The following PTPRG variants were observed in gnomAD, a reference collection of about 807,000 sequenced individuals.
The protein encoded by PTPRG is protein tyrosine phosphatase receptor type G, also known as receptor-type tyrosine-protein phosphatase gamma.
PTPRG carries 102 observed loss-of-function variants against 165.3 expected under a neutral mutation model. That is an observed-to-expected ratio of 0.62 (90% CI 0.53 to 0.73). PTPRG has a LOEUF of 0.73. Among genes scored for constraint, PTPRG ranks in the 30% least tolerant of loss-of-function variants. The pLI, the probability that PTPRG is intolerant of heterozygous loss-of-function variation, is 0.00. For missense variants in PTPRG, 1,866 were observed against 1,861.4 expected, an observed-to-expected ratio of 1.00 and a Z score of -0.05; for synonymous variants, 675 against 669.5, an observed-to-expected ratio of 1.01 and a Z score of -0.13.
At chr3:61,688,909 C>T (rs1348135717) in intron 1 of PTPRG, among the ~76,000 whole-genome samples, 1 of 152,200 alleles carries the variant, frequency 6.6e-6, no homozygotes, top group Non-Finnish European at 1.5e-5. Flanking sequence ...TGCCCTGCTT[C>T]TCAATGCATC....
At chr3:61,773,894 C>T (rs1427536089) in intron 2 of PTPRG, among the ~76,000 whole-genome samples, 1 of 152,010 alleles carries the variant, frequency 6.6e-6, no homozygotes, top group East Asian at 1.9e-4. Flanking sequence ...CCTGCCTCAG[C>T]CTCCCAACTA....
At chr3:62,277,234 C>CT (rs1702260159) in intron 25 of PTPRG, among the ~76,000 whole-genome samples, 186 bp downstream of exon 25, 1 of 152,102 alleles carries the variant, frequency 6.6e-6, no homozygotes, top group Admixed American at 6.6e-5. Flanking sequence ...TACAAAAATG[C>CT]TTAAATTAAG....
intron 1 of PTPRG, among the ~76,000 whole-genome samples, chr3:61,660,992 G>T (rs780896683): frequency 3.3e-5 from 5 of 152,090 alleles, no homozygotes; most frequent in Non-Finnish European, 5.9e-5. Context: ...CATAGAGTGA[G>T]ACTCCATCTC....
chr3:62,129,359 A>C (rs1703430483), intron 5 of PTPRG, among the ~76,000 whole-genome samples: 1 of 152,084 alleles, frequency 6.6e-6, no homozygotes, highest in Non-Finnish European at 1.5e-5. Context: ...AATGCATTAA[A>C]AAGTTCCTGT....
chr3:61,591,667 A>G (rs9863064), intron 1 of PTPRG, among the ~76,000 whole-genome samples: 22,225 of 152,158 alleles, frequency 0.15, 2,220 homozygotes, highest in African/African-American at 0.28. Flanking sequence ...AGAATCCTGT[A>G]GACCTCAGGT....
At chr3:62,102,273 CCTTT>C (rs2106829801) in intron 5 of PTPRG, among the ~76,000 whole-genome samples, 1 of 151,900 alleles carries the variant, frequency 6.6e-6, no homozygotes, top group Admixed American at 6.6e-5. Context: ...TCCTTTCTTC[CCTTT>C]CTTTTCTTTC....
intron 4 of PTPRG, among the ~76,000 whole-genome samples, chr3:62,013,092 A>G (rs1392982814): frequency 6.6e-6 from 1 of 151,842 alleles, no homozygotes; most frequent in Admixed American, 6.6e-5. Flanking sequence ...ATATTATACA[A>G]TAATACAACT....
At chr3:62,131,259 G>A (rs951213170) in intron 5 of PTPRG, among the ~76,000 whole-genome samples, 3 of 152,044 alleles carry the variant, frequency 2.0e-5, no homozygotes, top group African/African-American at 7.2e-5. Context: ...ATGTGACAAC[G>A]AAAAACGTCT....
At chr3:61,618,510 C>T (rs1045639307) in intron 1 of PTPRG, among the ~76,000 whole-genome samples, 1 of 152,054 alleles carries the variant, frequency 6.6e-6, no homozygotes, top group Non-Finnish European at 1.5e-5. Flanking sequence ...GGCAATTGAG[C>T]TTTTGGAAGC....
chr3:61,999,988 C>T (rs1382145440), intron 3 of PTPRG, among the ~76,000 whole-genome samples: 2 of 152,038 alleles, frequency 1.3e-5, no homozygotes, highest in African/African-American at 2.4e-5. Flanking sequence ...AAAGCATCTA[C>T]TCAATACTTA....
intron 8 of PTPRG, among the ~76,000 whole-genome samples, chr3:62,179,426 G>GA (rs1451703974): frequency 6.6e-6 from 1 of 152,230 alleles, no homozygotes; most frequent in Non-Finnish European, 1.5e-5. Flanking sequence ...CTGCCTGTAT[G>GA]TCTGAGACTA....
intron 1 of PTPRG, among the ~76,000 whole-genome samples, chr3:61,623,906 C>G (rs150679378): frequency 6.6e-6 from 1 of 152,178 alleles, no homozygotes; most frequent in East Asian, 1.9e-4. Flanking sequence ...TACTGCCAAG[C>G]ACCAAATACA....
At chr3:62,069,684 T>TCTCTCTCACACACACA (rs542306888) in intron 4 of PTPRG, among the ~76,000 whole-genome samples, 16 of 145,066 alleles carry the variant, frequency 1.1e-4, no homozygotes, top group East Asian at 4.4e-4. Flanking sequence ...TCTCTCTCTC[T>TCTCTCTCACACACACA]CACACACAGA....
chr3:61,976,346 A>G (rs2040505312), intron 2 of PTPRG, among the ~76,000 whole-genome samples: 1 of 152,210 alleles, frequency 6.6e-6, no homozygotes, highest in South Asian at 2.1e-4. Context: ...CAGGAGGCAT[A>G]GGTCAGAAAT....
chr3:62,185,174 G>C (rs1705826685), intron 8 of PTPRG, among the ~76,000 whole-genome samples: 2 of 152,138 alleles, frequency 1.3e-5, no homozygotes, highest in Admixed American at 1.3e-4. Flanking sequence ...TCAGAGTGAA[G>C]GCAGAAATTC....
chr3:61,892,756 C>T (rs1456607863), intron 2 of PTPRG, among the ~76,000 whole-genome samples: 1 of 150,748 alleles, frequency 6.6e-6, no homozygotes, highest in East Asian at 1.9e-4. Context: ...GGGGAGGTTG[C>T]AGTGAGCCGA....
At chr3:61,841,246 G>A (rs938387795) in intron 2 of PTPRG, among the ~76,000 whole-genome samples, 16 of 152,282 alleles carry the variant, frequency 1.1e-4, no homozygotes, top group African/African-American at 3.4e-4. Flanking sequence ...ATTATAGTGA[G>A]CAGGAAAGAA....
intron 2 of PTPRG, among the ~76,000 whole-genome samples, chr3:61,755,078 G>T (rs1462733799): frequency 6.6e-6 from 1 of 151,708 alleles, no homozygotes; most frequent in Non-Finnish European, 1.5e-5. Flanking sequence ...CCTGATCTCA[G>T]CTCACTGCAA....
intron 12 of PTPRG, among the ~76,000 whole-genome samples, chr3:62,209,539 T>C (rs574394626): frequency 4.9e-4 from 74 of 152,292 alleles, no homozygotes; most frequent in African/African-American, 1.8e-3. Context: ...TTATTTAAAA[T>C]TAGTTACATC....
Sources: allele counts gnomAD v4.1 joint callset (sites outside exome capture counted in the v4.1 genomes callset), GRCh38; gene constraint gnomAD v4.1.1; transcripts MANE v1.5; gene names NCBI Gene and HGNC (gene_info 2026-07-23, HGNC 2026-07-21).